The following TNFRSF13B variants were observed in gnomAD, a reference collection of about 807,000 sequenced individuals.
TNFRSF13B encodes tumor necrosis factor receptor superfamily member 13B.
In TNFRSF13B, 34 loss-of-function variants were observed where a neutral mutation model predicts 24.0. The observed-to-expected ratio is 1.41, with a 90% CI of 1.08 to 1.88. TNFRSF13B has a LOEUF of 1.88. TNFRSF13B is among the 40% of genes most tolerant of loss of function. TNFRSF13B has a pLI of 0.00. For synonymous variants in TNFRSF13B, 173 were observed against 150.3 expected, an observed-to-expected ratio of 1.15 and a Z score of -1.10; for missense variants, 415 against 380.8, an observed-to-expected ratio of 1.09 and a Z score of -0.75.
In TNFRSF13B at chr17:16,951,137, T is replaced by C. The variant is rs141479838; in HGVS notation, c.199+1309A>G. Among the ~76,000 whole-genome samples, 41 of 152,116 alleles carry C rather than the reference T, an allele frequency of 2.7e-4. 1 individual carries two copies. The highest frequency in any genetic ancestry group is 5.8e-4 in the East Asian group (3 of 5,168). On this transcript the variant is annotated intron_variant, in intron 2 of 4. Transcript: ENST00000261652. ...AGTGGTTCAGGTCATGATTTAGGAGTCGGAGTCCTGGGTTCAAACCAGGAT... is the reference window on the plus strand; with the variant it reads ...AGTGGTTCAGGTCATGATTTAGGAGCCGGAGTCCTGGGTTCAAACCAGGAT...
intron 3 of TNFRSF13B, among the ~76,000 whole-genome samples, chr17:16,943,138 A>G (rs2143646968): frequency 6.6e-6 from 1 of 152,344 alleles, no homozygotes; most frequent in African/African-American, 2.4e-5. Context: ...CCCAAGCAAG[A>G]GCAGCAGAAG....
intron 1 of TNFRSF13B, among the ~76,000 whole-genome samples, chr17:16,961,648 T>C (rs1017926095): frequency 7.9e-5 from 12 of 152,168 alleles, no homozygotes; most frequent in Non-Finnish European, 1.5e-4. Context: ...TGGATATAGA[T>C]AGTGGTGCTT....
chr17:16,964,075 G>A (rs1214690967), intron 1 of TNFRSF13B, among the ~76,000 whole-genome samples: 1 of 151,982 alleles, frequency 6.6e-6, no homozygotes, highest in African/African-American at 2.4e-5. Flanking sequence ...AAGAAATGGA[G>A]GAGGAAAAGA....
At chr17:16,951,265 C>G (rs2087586671) in intron 2 of TNFRSF13B, among the ~76,000 whole-genome samples, 1 of 152,216 alleles carries the variant, frequency 6.6e-6, no homozygotes. Flanking sequence ...TACTATGTGT[C>G]AGGCACTGTG....
chr17:16,940,113 C>T (rs900120851), intron 4 of TNFRSF13B: 24 of 1,311,252 alleles, frequency 1.8e-5, no homozygotes, highest in African/African-American at 7.4e-5. Flanking sequence ...ACCTGAAGAC[C>T]GGCACCCCAC....
At chr17:16,945,546 C>T (rs1199455732) in intron 3 of TNFRSF13B, among the ~76,000 whole-genome samples, 1 of 152,172 alleles carries the variant, frequency 6.6e-6, no homozygotes, top group Non-Finnish European at 1.5e-5. Context: ...TAGGAATGAC[C>T]CACGGGGGAA....
In TNFRSF13B at chr17:16,948,870, C is replaced by T. The variant is rs768185098; in HGVS notation, c.313G>A (p.Glu105Lys). ...TTCACTGGGCTCCTGAGCTTGTTCT[C>T]ACAGAAGTATGCACATTGCTTAGGG... ...QHPKQCAYFC[E>K]NKLRSPVNLP... Residue 105 changes from glutamate to lysine, a missense_variant, in exon 3 of 5, where the codon GAG (glutamate) becomes AAG (lysine). Physicochemically the swap from Glu to Lys is moderately conservative, Grantham distance 56 (BLOSUM62 1). Coordinates refer to ENST00000261652, the MANE Select transcript of TNFRSF13B (RefSeq NM_012452.3). The T allele has an allele frequency of 1.9e-6, 3 of 1,614,096 alleles. No homozygotes were observed. Among genetic ancestry groups the T allele is most frequent in the African/African-American group, 1.3e-5 (1 of 74,934 alleles).
intron 3 of TNFRSF13B, among the ~76,000 whole-genome samples, chr17:16,946,108 G>A (rs2087545804): frequency 6.6e-6 from 1 of 152,238 alleles, no homozygotes; most frequent in Non-Finnish European, 1.5e-5. Context: ...TTTGGGGATG[G>A]CTTGTTAGGC....
chr17:16,957,011 T>C (rs149445281), intron 1 of TNFRSF13B, among the ~76,000 whole-genome samples: 198 of 152,184 alleles, frequency 1.3e-3, no homozygotes, highest in Middle Eastern at 6.8e-3. Flanking sequence ...GGACTTTAAA[T>C]GATAACGACG....
rs892948612 is a variant in TNFRSF13B, at chr17:16,939,172, G to A, written c.*375C>T. 8 of 192,284 alleles carry A rather than the reference G, an allele frequency of 4.2e-5. No individual in the cohort carries two copies. The highest frequency in any genetic ancestry group is 2.7e-4 in the East Asian group (2 of 7,410). 11.9% of individuals were successfully genotyped at this position (192,284 alleles called of 1,614,324 possible). A position where few individuals can be genotyped will look rare whatever the true frequency, so the allele number is the denominator to read the frequency against. On this transcript the variant is annotated 3_prime_UTR_variant, in exon 5 of 5. Coordinates refer to ENST00000261652, the MANE Select transcript of TNFRSF13B (RefSeq NM_012452.3). ...AGCAGGCACGAGGACTTTATTGCACGTGTGGTTAGGTGATGACGACCTACA... is the reference window on the plus strand; with the variant it reads ...AGCAGGCACGAGGACTTTATTGCACATGTGGTTAGGTGATGACGACCTACA...
At chr17:16,950,987 G>A (rs1194991897) in intron 2 of TNFRSF13B, among the ~76,000 whole-genome samples, 1 of 152,224 alleles carries the variant, frequency 6.6e-6, no homozygotes, top group Non-Finnish European at 1.5e-5. Context: ...TTGACACATA[G>A]TCATTTCTCC....
At chr17:16,945,231 C>G (rs1171320935) in intron 3 of TNFRSF13B, among the ~76,000 whole-genome samples, 4 of 152,254 alleles carry the variant, frequency 2.6e-5, no homozygotes, top group Admixed American at 2.0e-4. Context: ...CCCCAATGCT[C>G]ACAGCCTTGG....
intron 1 of TNFRSF13B, among the ~76,000 whole-genome samples, chr17:16,971,428 G>GA (rs140902093): frequency 3.3e-5 from 5 of 151,824 alleles, no homozygotes; most frequent in Admixed American, 1.3e-4. Context: ...ATATATAACA[G>GA]AAAAAATGGG....
intron 3 of TNFRSF13B, 36 bp from the exon 4 acceptor site, chr17:16,940,547 T>G: frequency 1.9e-6 from 3 of 1,603,260 alleles, no homozygotes; most frequent in South Asian, 2.2e-5. Flanking sequence ...CTGCAGTGCC[T>G]TCTTCTCTTC....
intron 3 of TNFRSF13B, chr17:16,941,276 A>G: frequency 1.0e-6 from 1 of 987,782 alleles, no homozygotes; most frequent in Non-Finnish European, 1.2e-6. Flanking sequence ...AGGACAGGCG[A>G]CGTTACACTG....
At chr17:16,949,715 C>T (rs1158363731) in intron 2 of TNFRSF13B, among the ~76,000 whole-genome samples, 5 of 144,478 alleles carry the variant, frequency 3.5e-5, no homozygotes, top group East Asian at 2.0e-4. Context: ...GAAGGAGTTT[C>T]GCTCCTGTCA....
chr17:16,943,980 C>T (rs1313051997), intron 3 of TNFRSF13B, among the ~76,000 whole-genome samples: 1 of 152,190 alleles, frequency 6.6e-6, no homozygotes, highest in Non-Finnish European at 1.5e-5. Context: ...TGCTCAACAT[C>T]TCAAGCCATT....
intron 1 of TNFRSF13B, among the ~76,000 whole-genome samples, chr17:16,962,527 GAAA>G (rs956755733): frequency 7.0e-6 from 1 of 142,406 alleles, no homozygotes; most frequent in Non-Finnish European, 1.5e-5. Context: ...AAAAAAGAAA[GAAA>G]AAAAAAAGAA....
At chr17:16,940,818 G>GACAGACGA in intron 3 of TNFRSF13B, 1 of 1,307,596 alleles carries the variant, frequency 7.6e-7, no homozygotes, top group Non-Finnish European at 9.8e-7. Flanking sequence ...TGGGTGAATC[G>GACAGACGA]ACAGACGAAC....
Sources: allele counts gnomAD v4.1 joint callset (sites outside exome capture counted in the v4.1 genomes callset), GRCh38; gene constraint gnomAD v4.1.1; transcripts MANE v1.5; gene names NCBI Gene and HGNC (gene_info 2026-07-23, HGNC 2026-07-21).